CALCR: variants seen among roughly 807,000 people sequenced by gnomAD.
The protein encoded by CALCR is calcitonin receptor.
Under a neutral mutation model 59.5 loss-of-function variants are expected in CALCR, and 47 were observed. The observed-to-expected ratio is 0.79, with a 90% CI of 0.63 to 1.01. The LOEUF is 1.01. Among genes scored for constraint, CALCR ranks in the 50% least tolerant of loss-of-function variants. The probability of loss-of-function intolerance (pLI) is 0.00; values close to 1 mark genes in which losing one functional copy is unlikely to be tolerated. For missense variants in CALCR, 566 were observed against 597.1 expected, an observed-to-expected ratio of 0.95 and a Z score of 0.54; for synonymous variants, 213 against 211.3, an observed-to-expected ratio of 1.01 and a Z score of -0.07.
chr7:93,546,276 G>C (rs879657833), intron 2 of CALCR, among the ~76,000 whole-genome samples: 3 of 151,976 alleles, frequency 2.0e-5, no homozygotes, highest in Non-Finnish European at 4.4e-5. Context: ...TAACATCCCT[G>C]TTCACTCACA....
rs999099016 is a variant in CALCR, at chr7:93,497,692, G to A, written c.-26-10685C>T. Among the ~76,000 whole-genome samples the A allele has an allele frequency of 2.6e-5, 4 of 151,614 alleles. No homozygotes were observed. The East Asian group carries it at 5.8e-4, about 22-fold the overall frequency. On this transcript the variant is annotated intron_variant, in intron 2 of 13. Coordinates refer to ENST00000426151, the MANE Select transcript of CALCR (RefSeq NM_001742.4). ...CTTGTTCAATACATGTTTTTTGAGGGTATAAATGAGGAGAAGATCTAACAG... is the reference window on the plus strand; with the variant it reads ...CTTGTTCAATACATGTTTTTTGAGGATATAAATGAGGAGAAGATCTAACAG...
At chr7:93,459,822 G>A (rs1414605460) in intron 8 of CALCR, among the ~76,000 whole-genome samples, 1 of 152,112 alleles carries the variant, frequency 6.6e-6, no homozygotes, top group Non-Finnish European at 1.5e-5. Context: ...AATCCAGAAT[G>A]GTTCTCAGTA....
chr7:93,553,661 A>G (rs1584627811), intron 2 of CALCR, among the ~76,000 whole-genome samples: 1 of 152,212 alleles, frequency 6.6e-6, no homozygotes, highest in Non-Finnish European at 1.5e-5. Flanking sequence ...TGGGGCTAAT[A>G]ACAGCATATA....
chr7:93,487,794 T>C (rs1179143288), intron 2 of CALCR, among the ~76,000 whole-genome samples: 1 of 151,384 alleles, frequency 6.6e-6, no homozygotes, highest in Non-Finnish European at 1.5e-5. Flanking sequence ...ACTGGTAAGT[T>C]CCTGTTGCAC....
At chr7:93,482,899 C>T (rs756969424) in intron 3 of CALCR, 1 of 530,134 alleles carries the variant, frequency 1.9e-6, no homozygotes, top group Non-Finnish European at 3.9e-6. Context: ...TAATCTGCAT[C>T]AGTTCCTGGT....
intron 2 of CALCR, among the ~76,000 whole-genome samples, chr7:93,562,405 A>G (rs1472458019): frequency 1.4e-5 from 2 of 144,294 alleles, no homozygotes; most frequent in African/African-American, 5.8e-5. Context: ...CAAGTATTAT[A>G]AAAAGGAACA....
chr7:93,509,202 T>G lies in CALCR; in HGVS notation c.-26-22195A>C, dbSNP rs1357298782. On this transcript the variant is annotated intron_variant, in intron 2 of 13. Transcript: ENST00000426151. ...AAGATTCCCAGGCAAAATTCTTTTC[T>G]CCAGATTTCTTTAAATTGCCCCCAA... Among the ~76,000 whole-genome samples, 9 of 152,120 alleles carry G rather than the reference T, an allele frequency of 5.9e-5. 1 individual carries two copies. Among genetic ancestry groups the G allele is most frequent in the African/African-American group, 2.2e-4 (9 of 41,418 alleles).
At chr7:93,491,700 G>A (rs578231877) in intron 2 of CALCR, among the ~76,000 whole-genome samples, 13 of 151,948 alleles carry the variant, frequency 8.6e-5, no homozygotes, top group Non-Finnish European at 1.6e-4. Context: ...ACCACAGTGA[G>A]ATACCATGTC....
intron 2 of CALCR, among the ~76,000 whole-genome samples, chr7:93,548,955 C>G (rs1789376242): frequency 1.3e-5 from 2 of 150,448 alleles, no homozygotes; most frequent in Non-Finnish European, 3.0e-5. Context: ...CCATTTTTTC[C>G]CCCTGAGAAT....
chr7:93,500,563 C>T (rs551389917), intron 2 of CALCR, among the ~76,000 whole-genome samples: 2 of 152,060 alleles, frequency 1.3e-5, no homozygotes, highest in South Asian at 2.1e-4. Context: ...CATAACCTTG[C>T]TATGCATTGT....
intron 5 of CALCR, among the ~76,000 whole-genome samples, chr7:93,473,193 ATT>A (rs1800591849): frequency 6.6e-6 from 1 of 151,828 alleles, no homozygotes; most frequent in Non-Finnish European, 1.5e-5. Flanking sequence ...ACTCAGCTGG[ATT>A]GGCATATTAA....
At chr7:93,490,679 C>T (rs1181159991) in intron 2 of CALCR, among the ~76,000 whole-genome samples, 1 of 151,744 alleles carries the variant, frequency 6.6e-6, no homozygotes, top group Non-Finnish European at 1.5e-5. Flanking sequence ...GAATAAAATA[C>T]CCAGGAATAC....
intron 2 of CALCR, among the ~76,000 whole-genome samples, chr7:93,537,883 G>C (rs1415062364): frequency 1.3e-5 from 2 of 151,806 alleles, no homozygotes; most frequent in African/African-American, 2.4e-5. Context: ...TTTTAGTCAG[G>C]TCCCAAGACA....
At chr7:93,561,747 G>A (rs536175636) in intron 2 of CALCR, among the ~76,000 whole-genome samples, 1 of 152,204 alleles carries the variant, frequency 6.6e-6, no homozygotes, top group South Asian at 2.1e-4. Flanking sequence ...CCCTGTCGTG[G>A]ATCAGCATGG....
chr7:93,496,275 T>A (rs1170202887), intron 2 of CALCR, among the ~76,000 whole-genome samples: 1 of 151,448 alleles, frequency 6.6e-6, no homozygotes, highest in Non-Finnish European at 1.5e-5. Context: ...ACTATAGACA[T>A]TAGCACTTTA....
chr7:93,561,934 T>C (rs1214824619), intron 2 of CALCR, among the ~76,000 whole-genome samples: 1 of 144,428 alleles, frequency 6.9e-6, no homozygotes, highest in Non-Finnish European at 1.5e-5. Context: ...TAGGTTTAAA[T>C]CCTGCCTCTG....
chr7:93,556,214 C>T (rs1425165814), intron 2 of CALCR, among the ~76,000 whole-genome samples: 1 of 152,094 alleles, frequency 6.6e-6, no homozygotes, highest in Admixed American at 6.6e-5. Flanking sequence ...TTTGGATAGA[C>T]CTTATTATCA....
intron 2 of CALCR, among the ~76,000 whole-genome samples, chr7:93,564,464 A>ATTTT (rs1276822597): frequency 3.3e-5 from 5 of 152,216 alleles, no homozygotes; most frequent in African/African-American, 1.2e-4. Context: ...CACTTTTAAA[A>ATTTT]AAAAAAAAAT....
At chr7:93,514,006 T>C (rs1328930536) in intron 2 of CALCR, among the ~76,000 whole-genome samples, 1 of 151,998 alleles carries the variant, frequency 6.6e-6, no homozygotes, top group Admixed American at 6.6e-5. Flanking sequence ...CAATCCAAGA[T>C]AAGGAAACAT....
Sources: gnomAD v4.1 joint callset for allele counts (sites outside exome capture counted in the v4.1 genomes callset) on GRCh38, gnomAD v4.1.1 for gene constraint, MANE v1.5 for transcripts, NCBI Gene and HGNC (gene_info 2026-07-23, HGNC 2026-07-21) for gene names.